Variants in PLA2R1 observed in about 807,000 individuals in gnomAD.
PLA2R1 encodes phospholipase A2 receptor 1.
Under a neutral mutation model 195.9 loss-of-function variants are expected in PLA2R1, and 158 were observed. The observed-to-expected ratio is 0.81, with a 90% CI of 0.71 to 0.92. The LOEUF (loss-of-function observed/expected upper bound fraction) is 0.92, where lower values mean the gene tolerates loss of function less well. PLA2R1 is among the 40% of genes least tolerant of loss of function. The pLI is 0.00. For synonymous variants in PLA2R1, 586 were observed against 598.2 expected, an observed-to-expected ratio of 0.98 and a Z score of 0.30; for missense variants, 1,626 against 1,764.6, an observed-to-expected ratio of 0.92 and a Z score of 1.41.
rs1246637248 is a variant in PLA2R1, at chr2:160,062,504, G to A, written c.-101C>T. 7.1e-6 allele frequency: 10 copies of A among 1,410,616 alleles called. No individual in the cohort carries two copies. Among genetic ancestry groups the A allele is most frequent in the East Asian group, 3.0e-5 (1 of 33,416 alleles). The allele number at this position is 1,410,616 out of a possible 1,614,324, so 87.4% of individuals were successfully genotyped here. A position where few individuals can be genotyped will look rare whatever the true frequency, so the allele number is the denominator to read the frequency against. ...GCACCCGGCCCCGCCGCGCGGAAGC[G>A]GATCCGTAGCCTCCTCCGCGCCCCA... On this transcript the variant is annotated 5_prime_UTR_variant, in exon 1 of 30. Transcript: ENST00000283243.
chr2:159,959,551 T>C (rs1326441588), intron 20 of PLA2R1, among the ~76,000 whole-genome samples: 2 of 152,224 alleles, frequency 1.3e-5, no homozygotes, highest in Non-Finnish European at 2.9e-5. Context: ...GCATCTCTGA[T>C]TATTACTGTG....
rs1407918880 is a variant in PLA2R1 at position 159,935,765 on chromosome 2, A to T, written c.*6013T>A. On this transcript the variant is annotated 3_prime_UTR_variant, in exon 30 of 30. Transcript: ENST00000283243. ...CTACAACAATTTGAATTCTATCATA[A>T]TCTATTTAAAAATAGAAATAACCTC... 1 of 152,052 alleles carries T rather than the reference A, an allele frequency of 6.6e-6. No individual in the cohort carries two copies. Among genetic ancestry groups the T allele is most frequent in the Non-Finnish European group, 1.5e-5 (1 of 68,026 alleles). 9.4% of individuals were successfully genotyped at this position (152,052 alleles called of 1,614,324 possible).
chr2:160,024,314 T>C (rs1693357694), intron 6 of PLA2R1, among the ~76,000 whole-genome samples: 1 of 152,212 alleles, frequency 6.6e-6, no homozygotes, highest in Non-Finnish European at 1.5e-5. Context: ...GCTCTCACTC[T>C]ACCTGGTGTG....
intron 23 of PLA2R1, among the ~76,000 whole-genome samples, chr2:159,954,304 C>T (rs1484821369): frequency 1.3e-5 from 2 of 151,674 alleles, no homozygotes; most frequent in Non-Finnish European, 2.9e-5. Flanking sequence ...TATTTCTTTC[C>T]CTACAAGGCT....
At chr2:160,049,999 T>G (rs1695119627) in intron 1 of PLA2R1, among the ~76,000 whole-genome samples, 1 of 152,102 alleles carries the variant, frequency 6.6e-6, no homozygotes, top group Non-Finnish European at 1.5e-5. Flanking sequence ...AAAGAGCTAA[T>G]GCATGTGGGC....
In PLA2R1 at chr2:159,949,675, G is replaced by T. The variant is rs1357440647; in HGVS notation, c.3642C>A (p.Ser1214Arg). ...AGGCTGTGCTATGCCAGCGTCCGTT[G>T]CTGTCGGCAAAAACGCAGTCACCAA... is the stretch of plus-strand genomic sequence containing the variant. ...SLLGDCVFAD[S>R]NGRWHSTACE... Residue 1214 changes from serine (S) to arginine (R), a missense_variant, in exon 25 of 30, where the codon AGC becomes AGA. Transcript: ENST00000283243. 1.2e-6 allele frequency: 2 copies of T among 1,613,872 alleles called. No homozygotes were observed. Among genetic ancestry groups the T allele is most frequent in the African/African-American group, 2.7e-5 (2 of 74,926 alleles).
chr2:159,971,541 G>C lies in PLA2R1; in HGVS notation c.2596-1329C>G, dbSNP rs534050632. ...GTACTGACTTATGACCCAGGAAATT[G>C]AAATTCCCTCTTTAACTATAAAAGA... On this transcript the variant is annotated intron_variant, in intron 17 of 29. Transcript: ENST00000283243. Among the ~76,000 whole-genome samples the C allele has an allele frequency of 2.0e-5, 3 of 152,102 alleles. No homozygotes were observed. In the East Asian group the frequency reaches 5.8e-4, roughly 29 times the overall value.
At chr2:160,058,134 C>G (rs1429435937) in intron 1 of PLA2R1, among the ~76,000 whole-genome samples, 4 of 152,124 alleles carry the variant, frequency 2.6e-5, no homozygotes, top group Non-Finnish European at 5.9e-5. Flanking sequence ...TACTTGCACC[C>G]TAAGGAAAAC....
intron 4 of PLA2R1, among the ~76,000 whole-genome samples, chr2:160,031,044 T>C (rs1693820124): frequency 6.6e-6 from 1 of 152,234 alleles, no homozygotes; most frequent in African/African-American, 2.4e-5. Flanking sequence ...TGAAAATTGA[T>C]GTTTTCCTGC....
intron 13 of PLA2R1, among the ~76,000 whole-genome samples, chr2:159,980,733 C>T (rs1376283175): frequency 6.6e-6 from 1 of 152,112 alleles, no homozygotes; most frequent in Non-Finnish European, 1.5e-5. Context: ...CCTACCTGTG[C>T]AATGAACCAT....
At chr2:159,930,325 G>A (rs186661885), downstream of PLA2R1, among the ~76,000 whole-genome samples, 271 of 151,686 alleles carry the variant, frequency 1.8e-3, no homozygotes, top group Non-Finnish European at 3.1e-3. Context: ...GGAGAATGGC[G>A]TGAACCTGGG....
chr2:160,053,360 G>GA (rs1208223181), intron 1 of PLA2R1, among the ~76,000 whole-genome samples: 1 of 130,582 alleles, frequency 7.7e-6, no homozygotes, highest in Non-Finnish European at 1.6e-5. Flanking sequence ...GGGGGGGGGG[G>GA]AACAATTCAG....
At chr2:160,003,863 A>G (rs1691780355) in intron 11 of PLA2R1, among the ~76,000 whole-genome samples, 1 of 152,250 alleles carries the variant, frequency 6.6e-6, no homozygotes, top group Non-Finnish European at 1.5e-5. Context: ...GCAAATTATG[A>G]GTCCTACATA....
intron 28 of PLA2R1, among the ~76,000 whole-genome samples, chr2:159,943,831 G>A (rs572360601): frequency 1.3e-5 from 2 of 149,872 alleles, no homozygotes; most frequent in South Asian, 2.1e-4. Context: ...CTCACACAGA[G>A]TTGAGACTCA....
intron 3 of PLA2R1, among the ~76,000 whole-genome samples, chr2:160,037,727 T>C (rs1415123037): frequency 6.6e-6 from 1 of 152,170 alleles, no homozygotes. Flanking sequence ...GAATATCTCA[T>C]TTCCCCACTT....
intron 1 of PLA2R1, among the ~76,000 whole-genome samples, chr2:160,060,312 C>A (rs1379761214): frequency 1.3e-5 from 2 of 152,168 alleles, no homozygotes; most frequent in Admixed American, 6.5e-5. Context: ...GGTAGCCATA[C>A]CTCAACTTCC....
chr2:160,028,766 A>G, intron 5 of PLA2R1, 84 bp downstream of exon 5: 1 of 788,156 alleles, frequency 1.3e-6, no homozygotes, highest in Non-Finnish European at 2.2e-6. Context: ...TCAAAAAAGC[A>G]TGTCCTATGT....
In PLA2R1 at chr2:160,020,542, A is replaced by C. The variant is rs200992449; in HGVS notation, c.1295-279T>G. On this transcript the variant is annotated intron_variant, in intron 7 of 29. Transcript: ENST00000283243. ...CCTCTAAGGGGTGAATGGGTCATGAAGGCTCTGCCCTGATGAATGGATTAA... is the reference window on the plus strand; with the variant it reads ...CCTCTAAGGGGTGAATGGGTCATGACGGCTCTGCCCTGATGAATGGATTAA... Among the ~76,000 whole-genome samples, 7 of 152,264 alleles carry C rather than the reference A, an allele frequency of 4.6e-5. No homozygotes were observed. The East Asian group carries it at 1.4e-3, about 29-fold the overall frequency.
At chr2:160,033,335 TAAAG>T (rs1249587809) in intron 3 of PLA2R1, among the ~76,000 whole-genome samples, 2 of 152,194 alleles carry the variant, frequency 1.3e-5, no homozygotes, top group Non-Finnish European at 2.9e-5. Flanking sequence ...ATGATTTACC[TAAAG>T]AAATATAAGA....
Sources: allele counts gnomAD v4.1 joint callset (sites outside exome capture counted in the v4.1 genomes callset), GRCh38; gene constraint gnomAD v4.1.1; transcripts MANE v1.5; gene names NCBI Gene and HGNC (gene_info 2026-07-23, HGNC 2026-07-21).